The following TMEM266 variants were observed in gnomAD, a reference collection of about 807,000 sequenced individuals.
TMEM266 encodes the protein transmembrane protein 266.
TMEM266 carries 33 observed loss-of-function variants against 50.5 expected under a neutral mutation model. The observed-to-expected ratio is 0.65, with a 90% CI of 0.50 to 0.87. The LOEUF (loss-of-function observed/expected upper bound fraction) is 0.87, where lower values mean the gene tolerates loss of function less well. Ranked by LOEUF, TMEM266 falls within the 40% of genes least tolerant of loss-of-function variation. The probability of loss-of-function intolerance (pLI) is 0.00; values close to 1 mark genes in which losing one functional copy is unlikely to be tolerated. For missense variants in TMEM266, 655 were observed against 695.1 expected (o/e 0.94, Z 0.65); for synonymous variants, 310 against 292.3 (o/e 1.06, Z -0.62).
intron 3 of TMEM266, among the ~76,000 whole-genome samples, chr15:76,142,257 C>T (rs529116621): frequency 2.6e-4 from 40 of 152,314 alleles, no homozygotes; most frequent in African/African-American, 6.3e-4. Context: ...GGTGTGGTGG[C>T]GCATGCCTGT....
intron 1 of TMEM266, among the ~76,000 whole-genome samples, chr15:76,103,945 G>C (rs1006162764): frequency 2.7e-5 from 4 of 150,548 alleles, no homozygotes; most frequent in Non-Finnish European, 4.4e-5. Context: ...CAGTGGCTCA[G>C]GCCTGTAATC....
intron 1 of TMEM266, among the ~76,000 whole-genome samples, chr15:76,117,243 G>T (rs1013810200): frequency 7.4e-6 from 1 of 135,674 alleles, no homozygotes; most frequent in Non-Finnish European, 1.5e-5. Flanking sequence ...TTGACAGTGT[G>T]TACATTTTTT....
intron 3 of TMEM266, among the ~76,000 whole-genome samples, chr15:76,146,516 A>T (rs2037759264): frequency 6.6e-6 from 1 of 152,202 alleles, no homozygotes; most frequent in Non-Finnish European, 1.5e-5. Context: ...CTTAGAGATG[A>T]TGCCAACAGC....
At chr15:76,150,246 G>A (rs2037817564) in intron 3 of TMEM266, among the ~76,000 whole-genome samples, 1 of 152,162 alleles carries the variant, frequency 6.6e-6, no homozygotes, top group Non-Finnish European at 1.5e-5. Context: ...GAAAGCTTTT[G>A]AGCCCTTGTC....
intron 1 of TMEM266, among the ~76,000 whole-genome samples, chr15:76,085,784 C>A (rs1055088027): frequency 3.3e-5 from 5 of 152,082 alleles, no homozygotes; most frequent in African/African-American, 1.2e-4. Flanking sequence ...TGGTGGCTTA[C>A]ACCTGTAATC....
chr15:76,170,954 G>A (rs761937494), intron 6 of TMEM266, 39 bp from the exon 7 acceptor site: 23 of 1,590,730 alleles, frequency 1.4e-5, no homozygotes, highest in African/African-American at 5.4e-5. Context: ...CCGGACACAC[G>A]GCAGGGCCCA....
intron 1 of TMEM266, among the ~76,000 whole-genome samples, chr15:76,108,510 C>G (rs1403830224): frequency 1.3e-5 from 2 of 152,196 alleles, no homozygotes; most frequent in Non-Finnish European, 2.9e-5. Context: ...GGGATGGGGT[C>G]TGAGGATTTG....
chr15:76,116,701 G>C (rs1159669940), intron 1 of TMEM266, among the ~76,000 whole-genome samples: 1 of 152,096 alleles, frequency 6.6e-6, no homozygotes, highest in Admixed American at 6.6e-5. Flanking sequence ...AACAGGAAAA[G>C]TCTCATTCCA....
At chr15:76,193,666 T>G (rs906759270) in intron 9 of TMEM266, among the ~76,000 whole-genome samples, 1 of 152,160 alleles carries the variant, frequency 6.6e-6, no homozygotes, top group Non-Finnish European at 1.5e-5. Context: ...CTCCTCTAAG[T>G]GCTTCATACC....
intron 7 of TMEM266, among the ~76,000 whole-genome samples, chr15:76,173,121 G>A (rs965068852): frequency 5.9e-5 from 9 of 152,172 alleles, no homozygotes; most frequent in Non-Finnish European, 1.3e-4. Flanking sequence ...GATTTGAGGA[G>A]GCAGCGGCAT....
At chr15:76,141,901 G>A (rs2037685368) in intron 3 of TMEM266, among the ~76,000 whole-genome samples, 2 of 152,176 alleles carry the variant, frequency 1.3e-5, no homozygotes. Flanking sequence ...CATCCATGTT[G>A]TAGCATGTGT....
chr15:76,192,859 G>A (rs2038602105), intron 9 of TMEM266, among the ~76,000 whole-genome samples: 1 of 152,212 alleles, frequency 6.6e-6, no homozygotes, highest in Non-Finnish European at 1.5e-5. Context: ...GGGCTGCTGC[G>A]AGGCTCAGAG....
chr15:76,078,539 C>T (rs2036638412), intron 1 of TMEM266, among the ~76,000 whole-genome samples: 1 of 152,212 alleles, frequency 6.6e-6, no homozygotes, highest in South Asian at 2.1e-4. Context: ...AAAATTGATA[C>T]ACAGCCTTTG....
chr15:76,118,240 C>T (rs2037281106), intron 1 of TMEM266, among the ~76,000 whole-genome samples: 1 of 152,218 alleles, frequency 6.6e-6, no homozygotes, highest in Non-Finnish European at 1.5e-5. Context: ...TTACATCATA[C>T]TGCCTTGGGC....
intron 1 of TMEM266, among the ~76,000 whole-genome samples, chr15:76,066,062 T>C (rs957832298): frequency 1.3e-5 from 2 of 152,210 alleles, no homozygotes; most frequent in Non-Finnish European, 2.9e-5. Context: ...AGAGTATGAA[T>C]TACTTAAGGG....
intron 1 of TMEM266, among the ~76,000 whole-genome samples, chr15:76,086,053 G>T (rs897981832): frequency 1.8e-4 from 20 of 110,550 alleles, no homozygotes; most frequent in African/African-American, 6.1e-4. Context: ...CATTTCAAAA[G>T]AAAAAAAAAA....
intron 8 of TMEM266, among the ~76,000 whole-genome samples, chr15:76,179,798 A>G (rs1290581917): frequency 6.6e-6 from 1 of 152,166 alleles, no homozygotes; most frequent in Non-Finnish European, 1.5e-5. Context: ...CAGTTTAAAT[A>G]CAACACCTGG....
chr15:76,149,147 C>G (rs1459786209), intron 3 of TMEM266, among the ~76,000 whole-genome samples: 1 of 152,230 alleles, frequency 6.6e-6, no homozygotes, highest in Non-Finnish European at 1.5e-5. Flanking sequence ...AGAAGCCCCA[C>G]TAACAATTGC....
chr15:76,097,121 T>G (rs2036933281), intron 1 of TMEM266, among the ~76,000 whole-genome samples: 1 of 151,946 alleles, frequency 6.6e-6, no homozygotes, highest in East Asian at 1.9e-4. Flanking sequence ...ACATTTAAGG[T>G]TAATATTGTT....
Sources: gnomAD v4.1 joint callset for allele counts (sites outside exome capture counted in the v4.1 genomes callset) on GRCh38, gnomAD v4.1.1 for gene constraint, MANE v1.5 for transcripts, NCBI Gene and HGNC (gene_info 2026-07-23, HGNC 2026-07-21) for gene names.